NBEA: variants seen among roughly 807,000 people sequenced by gnomAD.
NBEA encodes the protein lysosomal-trafficking regulator 2.
NBEA carries 44 observed loss-of-function variants against 343.4 expected under a neutral mutation model. The observed-to-expected ratio is 0.13, with a 90% confidence interval of 0.10 to 0.16. The LOEUF (loss-of-function observed/expected upper bound fraction) is 0.16. Ranked by LOEUF, NBEA falls within the 10% of genes least tolerant of loss-of-function variation. NBEA has a pLI of 1.00. For synonymous variants in NBEA, 1,175 were observed against 1,238.7 expected (o/e 0.95, Z 1.08); for missense variants, 2,555 against 3,631.3 (o/e 0.70, Z 7.62).
intron 1 of NBEA, among the ~76,000 whole-genome samples, chr13:35,040,459 T>C (rs1264338361): frequency 6.6e-6 from 1 of 152,176 alleles, no homozygotes; most frequent in East Asian, 1.9e-4. Context: ...ATATTTCTTA[T>C]AAGTTGTATG....
At chr13:35,657,088 T>C (rs1053003566) in intron 55 of NBEA, among the ~76,000 whole-genome samples, 1 of 152,228 alleles carries the variant, frequency 6.6e-6, no homozygotes, top group African/African-American at 2.4e-5. Context: ...GAAATGGCTT[T>C]GGATGGATAA....
At chr13:35,626,167 A>G (rs1187244126) in intron 48 of NBEA, among the ~76,000 whole-genome samples, 3 of 152,218 alleles carry the variant, frequency 2.0e-5, no homozygotes, top group East Asian at 3.8e-4. Context: ...GAAATTTTTA[A>G]CCCTATATAT....
chr13:35,622,647 A>C (rs1281697086), intron 48 of NBEA, among the ~76,000 whole-genome samples: 1 of 152,194 alleles, frequency 6.6e-6, no homozygotes, highest in Non-Finnish European at 1.5e-5. Flanking sequence ...GATGGCATAG[A>C]CACTACAGAA....
intron 53 of NBEA, among the ~76,000 whole-genome samples, chr13:35,652,688 C>CTTTTT (rs766315741): frequency 0.014 from 977 of 67,586 alleles, 76 homozygotes; most frequent in East Asian, 0.033. Context: ...TTCTGGCAGT[C>CTTTTT]TTTTTTTTTT....
intron 38 of NBEA, among the ~76,000 whole-genome samples, chr13:35,363,302 G>A (rs1390538273): frequency 6.6e-6 from 1 of 151,836 alleles, no homozygotes; most frequent in Non-Finnish European, 1.5e-5. Context: ...CTTCTTAAAG[G>A]TAGGTCTGTT....
At chr13:35,062,295 G>C (rs1268050200) in intron 8 of NBEA, among the ~76,000 whole-genome samples, 1 of 151,626 alleles carries the variant, frequency 6.6e-6, no homozygotes, top group African/African-American at 2.4e-5. Context: ...AAATGAACTT[G>C]AATATAGATT....
intron 41 of NBEA, among the ~76,000 whole-genome samples, chr13:35,488,541 A>G (rs549944881): frequency 1.3e-5 from 2 of 152,052 alleles, no homozygotes; most frequent in South Asian, 2.1e-4. Flanking sequence ...ATGACTAGCA[A>G]ACTAATAAAC....
At chr13:35,476,178 G>C in intron 41 of NBEA, 1 of 1,611,598 alleles carries the variant, frequency 6.2e-7, no homozygotes, top group Non-Finnish European at 8.5e-7. Flanking sequence ...GAGTCTCGCA[G>C]TAAGCTGTGG....
chr13:35,227,047 A>T (rs1056475890), intron 33 of NBEA, among the ~76,000 whole-genome samples: 1 of 152,072 alleles, frequency 6.6e-6, no homozygotes, highest in Non-Finnish European at 1.5e-5. Context: ...TAACCTTTTC[A>T]TCATGCACTT....
intron 48 of NBEA, among the ~76,000 whole-genome samples, chr13:35,616,251 T>G (rs1684187332): frequency 6.6e-6 from 1 of 152,198 alleles, no homozygotes; most frequent in South Asian, 2.1e-4. Context: ...AAATTCCACC[T>G]GTATTTTGAA....
chr13:34,988,211 C>T lies in NBEA; in HGVS notation c.294+45097C>T, dbSNP rs554485236. On this transcript the variant is annotated intron_variant, in intron 1 of 58. Coordinates refer to ENST00000379939, the MANE Select transcript of NBEA (RefSeq NM_001385012.1). ...CGCCTGTTTGAGGTGTCAGTCGGCC[C>T]CTACTGGGAGGTGTCTCCCAGTTAG... Among the ~76,000 whole-genome samples the T allele has an allele frequency of 4.0e-5, 6 of 151,090 alleles. No individual in the cohort carries two copies. The South Asian group carries it at 1.0e-3, about 26-fold the overall frequency.
chr13:35,164,384 G>T lies in NBEA; in HGVS notation c.4108G>T (p.Val1370Phe). Residue 1370 changes from valine to phenylalanine, a missense_variant, in exon 24 of 59, where the codon GTC becomes TTC. By Grantham distance (50) the Val-to-Phe change is conservative. Coordinates refer to ENST00000379939, the MANE Select transcript of NBEA (RefSeq NM_001385012.1). ...TTCTACAAAGTCTGTAATGGATTTT[G>T]TCAATAGCAATGAAAATATTATTTT... is the stretch of plus-strand genomic sequence containing the variant. The part of the protein sequence containing the change: ...SHSTKSVMDF[V>F]NSNENIIFVH... 1.9e-6 allele frequency: 3 copies of T among 1,585,740 alleles called. No individual in the cohort carries two copies. The highest frequency in any genetic ancestry group is 2.6e-6 in the Non-Finnish European group (3 of 1,163,848).
chr13:35,026,578 T>C (rs1468332676), intron 1 of NBEA, among the ~76,000 whole-genome samples: 1 of 152,194 alleles, frequency 6.6e-6, no homozygotes, highest in Admixed American at 6.6e-5. Flanking sequence ...TATCCTCTTT[T>C]GTTTCTGAAC....
chr13:35,397,575 T>C (rs1031444521), intron 38 of NBEA, among the ~76,000 whole-genome samples: 12 of 152,170 alleles, frequency 7.9e-5, no homozygotes, highest in African/African-American at 2.9e-4. Context: ...GTGCCTGTTA[T>C]AGAATAGCCA....
At chr13:35,194,326 G>A (rs546348374) in intron 30 of NBEA, among the ~76,000 whole-genome samples, 28 of 152,024 alleles carry the variant, frequency 1.8e-4, no homozygotes, top group Non-Finnish European at 3.1e-4. Flanking sequence ...AAGATTTTGT[G>A]AGATGTCTTG....
At chr13:35,236,751 C>T (rs1052382442) in intron 34 of NBEA, among the ~76,000 whole-genome samples, 7 of 151,362 alleles carry the variant, frequency 4.6e-5, no homozygotes, top group South Asian at 4.2e-4. Context: ...CCACCCCGCC[C>T]GGCCTAAACC....
At chr13:35,222,112 G>A (rs895158841) in intron 33 of NBEA, among the ~76,000 whole-genome samples, 14 of 152,028 alleles carry the variant, frequency 9.2e-5, no homozygotes, top group African/African-American at 2.9e-4. Context: ...ATTAGATGGA[G>A]TGTAAATGTT....
intron 29 of NBEA, 45 bp downstream of exon 29, chr13:35,182,573 C>A: frequency 6.5e-7 from 1 of 1,536,926 alleles, no homozygotes; most frequent in Non-Finnish European, 8.8e-7. Context: ...CATGATGTAT[C>A]TCCTTTTTTT....
At chr13:35,386,103 A>G (rs767458689) in intron 38 of NBEA, among the ~76,000 whole-genome samples, 1 of 152,174 alleles carries the variant, frequency 6.6e-6, no homozygotes, top group African/African-American at 2.4e-5. Context: ...AAAATAAAAT[A>G]TATAATTTGA....
Sources: allele counts gnomAD v4.1 joint callset (sites outside exome capture counted in the v4.1 genomes callset), GRCh38; gene constraint gnomAD v4.1.1; transcripts MANE v1.5; gene names NCBI Gene and HGNC (gene_info 2026-07-23, HGNC 2026-07-21).